Variants in MAMLD1 observed in about 807,000 individuals in gnomAD.
MAMLD1 encodes mastermind-like domain-containing protein 1.
MAMLD1 carries 14 observed loss-of-function variants against 45.0 expected under a neutral mutation model. That is an observed-to-expected ratio of 0.31 (90% CI 0.21 to 0.49). The LOEUF (loss-of-function observed/expected upper bound fraction) is 0.49. Ranked by LOEUF, MAMLD1 falls within the 20% of genes least tolerant of loss-of-function variation. The probability of loss-of-function intolerance (pLI) is 0.99; values close to 1 mark genes in which losing one functional copy is unlikely to be tolerated. For missense variants in MAMLD1, 543 were observed against 603.6 expected, an observed-to-expected ratio of 0.90 and a Z score of 1.05; for synonymous variants, 254 against 247.8, an observed-to-expected ratio of 1.02 and a Z score of -0.24.
Position 150,493,206 on chromosome X carries a change from C to G in MAMLD1, c.2041-10068C>G, listed in dbSNP as rs1445804453. Among the ~76,000 whole-genome samples the G allele has an allele frequency of 3.6e-5, 4 of 111,549 alleles. No individual in the cohort carries two copies. The Admixed American group carries it at 3.8e-4, about 11-fold the overall frequency. ...TCAGAGAGCCAACACCAGACAAACTCTAAGTCCCCTGAAGAGAGTGTGCTG... is the reference window on the plus strand; with the variant it reads ...TCAGAGAGCCAACACCAGACAAACTGTAAGTCCCCTGAAGAGAGTGTGCTG... On this transcript the variant is annotated intron_variant, in intron 5 of 7. Transcript: ENST00000370401.
At chrX:150,495,937 A>C (rs189235770) in intron 5 of MAMLD1, among the ~76,000 whole-genome samples, 2 of 112,647 alleles carry the variant, frequency 1.8e-5, no homozygotes, top group Non-Finnish European at 3.8e-5. Flanking sequence ...TAGTTTCATA[A>C]ATTATGATGC....
At chrX:150,409,377 C>T (rs113390443) in intron 1 of MAMLD1, among the ~76,000 whole-genome samples, 4,923 of 110,298 alleles carry the variant, frequency 0.045, 264 homozygotes, top group African/African-American at 0.15. Flanking sequence ...CGTGGCTGGA[C>T]TTGAGAAAAG....
chrX:150,379,515 G>A (rs1053657417), intron 1 of MAMLD1, among the ~76,000 whole-genome samples: 9 of 111,298 alleles, frequency 8.1e-5, no homozygotes, highest in African/African-American at 2.9e-4. Flanking sequence ...ATTCCTTTTT[G>A]TCTGCCCCCC....
At chrX:150,409,648 G>A (rs2034077623) in intron 1 of MAMLD1, among the ~76,000 whole-genome samples, 1 of 111,876 alleles carries the variant, frequency 8.9e-6, no homozygotes, top group Non-Finnish European at 1.9e-5. Context: ...GATAAAATTA[G>A]CATCCAGCCA....
chrX:150,396,155 T>C (rs951531523), intron 1 of MAMLD1, among the ~76,000 whole-genome samples: 1 of 80,521 alleles, frequency 1.2e-5, no homozygotes, highest in African/African-American at 4.6e-5. Flanking sequence ...GCTAATTTTT[T>C]TTTTTTTTTT....
At chrX:150,439,092 C>G (rs1280648258) in intron 1 of MAMLD1, among the ~76,000 whole-genome samples, 2 of 112,138 alleles carry the variant, frequency 1.8e-5, no homozygotes, top group Non-Finnish European at 3.8e-5. Context: ...TTTCTGATGA[C>G]TAATAATGTT....
At chrX:150,367,599 T>G (rs1328161465) in intron 1 of MAMLD1, among the ~76,000 whole-genome samples, 1 of 112,011 alleles carries the variant, frequency 8.9e-6, no homozygotes, top group East Asian at 2.8e-4. Context: ...AGGGTACATG[T>G]GCACAACGTG....
At chrX:150,399,348 A>G (rs1312990460) in intron 1 of MAMLD1, among the ~76,000 whole-genome samples, 1 of 112,178 alleles carries the variant, frequency 8.9e-6, no homozygotes, top group Non-Finnish European at 1.9e-5. Context: ...TGATAGAAAT[A>G]TTATCATCGG....
rs185420652 is a variant in MAMLD1, at chrX:150,370,052, C to T, written c.-64+6522C>T. ...TATAATGGATGTAACTAAAAAACTC[C>T]TTATCCAAGCAGAAAAGGCTGAGTG... On this transcript the variant is annotated intron_variant, in intron 1 of 7. Coordinates refer to ENST00000370401, the MANE Select transcript of MAMLD1 (RefSeq NM_005491.5). 4.4e-3 allele frequency among the ~76,000 whole-genome samples: 471 copies of T among 107,891 alleles called. 3 individuals are homozygous for T. Among genetic ancestry groups the T allele is most frequent in the African/African-American group, 0.015 (438 of 29,530 alleles). 93.7% of individuals were successfully genotyped at this position (107,891 alleles called of 115,157 possible). A position where few individuals can be genotyped will look rare whatever the true frequency, so the allele number is the denominator to read the frequency against.
Position 150,513,564 on chromosome X carries a change from A to G in MAMLD1, c.*1605A>G. The G allele has an allele frequency of 3.3e-6, 1 of 298,666 alleles. No individual in the cohort carries two copies. The allele number at this position is 298,666 out of a possible 1,213,427, so 24.6% of individuals were successfully genotyped here. On this transcript the variant is annotated 3_prime_UTR_variant, in exon 8 of 8. Coordinates refer to ENST00000370401, the MANE Select transcript of MAMLD1 (RefSeq NM_005491.5). ...TTGGCCATTTATTTCTATGTTCACTAAAAATCCTATTGCCTTGTGTGATTC... is the reference window on the plus strand; with the variant it reads ...TTGGCCATTTATTTCTATGTTCACTGAAAATCCTATTGCCTTGTGTGATTC...
At chrX:150,375,188 G>C (rs1367507883) in intron 1 of MAMLD1, among the ~76,000 whole-genome samples, 2 of 111,904 alleles carry the variant, frequency 1.8e-5, no homozygotes, top group Non-Finnish European at 3.8e-5. Context: ...GAGGCCCAGA[G>C]AGGAGCAGGT....
At chrX:150,454,177 G>A (rs782527169) in intron 2 of MAMLD1, among the ~76,000 whole-genome samples, 42 of 112,036 alleles carry the variant, frequency 3.7e-4, no homozygotes, top group Non-Finnish European at 7.1e-4. Flanking sequence ...CTAGCCTTAG[G>A]GCTGCCCATG....
At chrX:150,403,940 A>G (rs920250612) in intron 1 of MAMLD1, among the ~76,000 whole-genome samples, 2 of 58,882 alleles carry the variant, frequency 3.4e-5, no homozygotes, top group East Asian at 4.9e-4. Context: ...AGAAAGAAAG[A>G]AAAGAAAGAA....
At chrX:150,480,452 G>A (rs781954673) in intron 5 of MAMLD1, among the ~76,000 whole-genome samples, 2 of 111,469 alleles carry the variant, frequency 1.8e-5, no homozygotes, top group South Asian at 3.8e-4. Context: ...TTATCATGCC[G>A]GCTGCACCCA....
intron 1 of MAMLD1, among the ~76,000 whole-genome samples, chrX:150,400,010 G>A (rs937470878): frequency 2.2e-4 from 24 of 111,489 alleles, no homozygotes; most frequent in African/African-American, 6.9e-4. Context: ...AGGGAGGTTC[G>A]CTCATTAGAA....
rs1557401529 is a variant in MAMLD1 at position 150,378,681 on chromosome X, T to C, written c.-64+15151T>C. The stretch of plus-strand genomic sequence containing the variant: ...TTTCTTTCACTCCCATTTATTTACT[T>C]ATGCTTTTATTTATATTAGGTTGAC... On this transcript the variant is annotated intron_variant, in intron 1 of 7. Transcript: ENST00000370401. Among the ~76,000 whole-genome samples, 5 of 112,194 alleles carry C rather than the reference T, an allele frequency of 4.5e-5. No homozygotes were observed. In the Admixed American group the frequency reaches 4.7e-4, roughly 11 times the overall value.
intron 5 of MAMLD1, among the ~76,000 whole-genome samples, chrX:150,484,657 G>A (rs782251063): frequency 8.9e-6 from 1 of 112,460 alleles, no homozygotes; most frequent in Non-Finnish European, 1.9e-5. Context: ...GATTACAACC[G>A]AGGACTCATT....
At chrX:150,445,400 G>A in intron 1 of MAMLD1, 54 bp from the exon 2 acceptor site, 1 of 537,696 alleles carries the variant, frequency 1.9e-6, no homozygotes, top group Non-Finnish European at 3.4e-6. Context: ...GATTCACGGG[G>A]TCAGTGGTCT....
chrX:150,438,045 A>C (rs55655539), intron 1 of MAMLD1, among the ~76,000 whole-genome samples: 1 of 110,074 alleles, frequency 9.1e-6, no homozygotes, highest in African/African-American at 3.3e-5. Flanking sequence ...TCAACTGTGT[A>C]TTTCTTTGTA....
Sources: allele counts gnomAD v4.1 joint callset (sites outside exome capture counted in the v4.1 genomes callset), GRCh38; gene constraint gnomAD v4.1.1; transcripts MANE v1.5; gene names NCBI Gene and HGNC (gene_info 2026-07-23, HGNC 2026-07-21).